The following STRN3 variants were observed in gnomAD, a reference collection of about 807,000 sequenced individuals.
STRN3 encodes striatin-3.
In STRN3, 29 loss-of-function variants were observed where a neutral mutation model predicts 95.6. The observed-to-expected ratio is 0.30, with a 90% CI of 0.23 to 0.41. The LOEUF is 0.41. STRN3 is among the 10% of genes least tolerant of loss of function. The pLI is 1.00. For missense variants in STRN3, 890 were observed against 972.1 expected (o/e 0.92, Z 1.12); for synonymous variants, 331 against 357.6 (o/e 0.93, Z 0.84).
In STRN3 at chr14:30,950,914, G is replaced by A. The variant is rs1879607560; in HGVS notation, c.491C>T (p.Ala164Val). 2.5e-6 allele frequency: 4 copies of A among 1,613,674 alleles called. No individual in the cohort carries two copies. The highest frequency in any genetic ancestry group is 3.4e-6 in the Non-Finnish European group (4 of 1,179,928). Reference protein sequence around the residue: ...EETKDTEAPTAPQNSQLTWKQ... With the variant: ...EETKDTEAPTVPQNSQLTWKQ... ...CCACGTTAACTGGCTATTCTGAGGT[G>A]CTGTGGGAGCCTCTGTGTCTTTGGT... The change falls in exon 4 of 18, where the codon GCA (alanine) becomes GTA (valine). Residue 164 changes from alanine (A) to valine (V), a missense_variant. Physicochemically the swap from Ala to Val is moderately conservative, Grantham distance 64. Transcript: ENST00000357479.
At chr14:30,989,669 A>G (rs1342156342) in intron 1 of STRN3, among the ~76,000 whole-genome samples, 1 of 152,084 alleles carries the variant, frequency 6.6e-6, no homozygotes, top group East Asian at 1.9e-4. Context: ...TGTGTTAGCC[A>G]GGATGGTCTC....
At chr14:30,981,379 CTAAAAT>C (rs1881390876) in intron 1 of STRN3, among the ~76,000 whole-genome samples, 1 of 152,060 alleles carries the variant, frequency 6.6e-6, no homozygotes, top group Admixed American at 6.6e-5. Flanking sequence ...TAATGGTCAA[CTAAAAT>C]TATTCATGTG....
intron 1 of STRN3, among the ~76,000 whole-genome samples, chr14:31,016,787 C>T (rs1566495344): frequency 6.6e-6 from 1 of 152,164 alleles, no homozygotes; most frequent in Non-Finnish European, 1.5e-5. Context: ...TTGTGATCCA[C>T]CCGCTTTGGC....
chr14:30,959,753 A>C (rs775786742), intron 1 of STRN3, among the ~76,000 whole-genome samples: 24 of 152,030 alleles, frequency 1.6e-4, no homozygotes, highest in Admixed American at 2.0e-4. Context: ...TGAGCCAGGG[A>C]CTTCGAGACC....
At chr14:30,944,882 G>A (rs1285439895) in intron 5 of STRN3, among the ~76,000 whole-genome samples, 3 of 151,666 alleles carry the variant, frequency 2.0e-5, no homozygotes, top group Non-Finnish European at 4.4e-5. Flanking sequence ...CAAAGTGCTG[G>A]GATTACAGAC....
At chr14:30,930,067 G>T (rs1878454082) in intron 7 of STRN3, among the ~76,000 whole-genome samples, 1 of 147,494 alleles carries the variant, frequency 6.8e-6, no homozygotes, top group African/African-American at 2.5e-5. Context: ...AACATACATT[G>T]CTGTACAACT....
At chr14:30,972,152 C>T (rs1435485898) in intron 1 of STRN3, among the ~76,000 whole-genome samples, 2 of 152,110 alleles carry the variant, frequency 1.3e-5, no homozygotes, top group African/African-American at 4.8e-5. Context: ...CAATCTTTTT[C>T]GATTATCTAC....
rs532956232 is a variant in STRN3, at chr14:30,933,780, G to A, written c.988+1383C>T. 5.9e-5 allele frequency among the ~76,000 whole-genome samples: 9 copies of A among 152,262 alleles called. No homozygotes were observed. In the South Asian group the frequency reaches 1.9e-3, roughly 32 times the overall value. ...AAGTGAAGGTCTGAAAATAATGCTT[G>A]AGAATTATAATAAGAAAATTGGTGG... On this transcript the variant is annotated intron_variant, in intron 7 of 17. Transcript: ENST00000357479.
At chr14:31,014,243 CAG>C (rs1314602594) in intron 1 of STRN3, among the ~76,000 whole-genome samples, 2 of 152,016 alleles carry the variant, frequency 1.3e-5, no homozygotes, top group African/African-American at 2.4e-5. Context: ...TGTTCTGAGA[CAG>C]AGTCTTGCTC....
intron 1 of STRN3, 53 bp downstream of exon 1, chr14:31,025,851 C>A (rs1566502817): frequency 1.7e-5 from 27 of 1,562,824 alleles, no homozygotes; most frequent in Non-Finnish European, 2.3e-5. Context: ...GCCCCACCCC[C>A]CGGCCGGGAA....
At chr14:30,981,637 C>T (rs562029426) in intron 1 of STRN3, among the ~76,000 whole-genome samples, 49 of 150,742 alleles carry the variant, frequency 3.3e-4, no homozygotes, top group Middle Eastern at 3.5e-3. Flanking sequence ...AAGCAGGGCA[C>T]AAAAACCTTT....
At chr14:30,897,095 T>C (rs569240592) in intron 16 of STRN3, among the ~76,000 whole-genome samples, 10 of 152,314 alleles carry the variant, frequency 6.6e-5, no homozygotes, top group African/African-American at 2.4e-4. Context: ...GGGATGTCCC[T>C]AATGAAAGAT....
intron 9 of STRN3, among the ~76,000 whole-genome samples, chr14:30,918,072 A>G (rs1896784996): frequency 6.6e-6 from 1 of 152,168 alleles, no homozygotes; most frequent in Non-Finnish European, 1.5e-5. Context: ...CATTTCCTAC[A>G]CATTTCTGGT....
At chr14:30,980,069 G>A (rs1881314358) in intron 1 of STRN3, among the ~76,000 whole-genome samples, 1 of 151,826 alleles carries the variant, frequency 6.6e-6, no homozygotes, top group Non-Finnish European at 1.5e-5. Context: ...CCAACATGGT[G>A]AAATCACATC....
chr14:30,967,525 C>T (rs560751021), intron 1 of STRN3, among the ~76,000 whole-genome samples: 2 of 152,312 alleles, frequency 1.3e-5, no homozygotes, highest in South Asian at 2.1e-4. Flanking sequence ...GGGCGTAGCC[C>T]AAAAGCACTG....
chr14:31,015,217 G>C (rs1013068764), intron 1 of STRN3, among the ~76,000 whole-genome samples: 1 of 152,142 alleles, frequency 6.6e-6, no homozygotes, highest in Non-Finnish European at 1.5e-5. Context: ...GGCTGCTTCA[G>C]AATTTGACAC....
At chr14:30,943,154 A>C (rs1469576435) in intron 5 of STRN3, among the ~76,000 whole-genome samples, 1 of 152,228 alleles carries the variant, frequency 6.6e-6, no homozygotes, top group Non-Finnish European at 1.5e-5. Flanking sequence ...TGAAATCTTG[A>C]TCCACATGTT....
chr14:30,918,966 C>G lies in STRN3; in HGVS notation c.1240G>C (p.Ala414Pro). 1 of 1,562,264 alleles carries G rather than the reference C, an allele frequency of 6.4e-7. No individual in the cohort carries two copies. Among genetic ancestry groups the G allele is most frequent in the African/African-American group, 1.4e-5 (1 of 72,822 alleles). The change falls in exon 9 of 18, where the codon GCT becomes CCT. Residue 414 changes from alanine to proline, a missense_variant and splice_region_variant. Ala to Pro is a conservative substitution (Grantham distance 27, BLOSUM62 -1). This residue lies in a region of STRN3 where 526 missense variants were observed against 526.3 expected (regional missense o/e 1.00). Transcript: ENST00000357479. ...TDHEGARAEE[A>P]EPITFPSGGG... The stretch of plus-strand genomic sequence containing the variant: ...TAAACATGGTAGCTAAATTTTGTAC[C>G]TTCCTCTGCTCTTGCACCTTCATGA...
In STRN3 at chr14:31,003,818, C is replaced by T. The variant is rs372109277; in HGVS notation, c.282+22086G>A. The stretch of plus-strand genomic sequence containing the variant: ...TCTTAAAAAAAAAAAAAAAAAAAAA[C>T]TTGGTAGCAAAGCGAGATTTCTTGT... On this transcript the variant is annotated intron_variant, in intron 1 of 17. Transcript: ENST00000357479. Among the ~76,000 whole-genome samples, 13 of 70,882 alleles carry T rather than the reference C, an allele frequency of 1.8e-4. No homozygotes were observed. In the South Asian group the frequency reaches 2.3e-3, roughly 12 times the overall value. The allele number at this position is 70,882 out of a possible 152,430, so 46.5% of individuals were successfully genotyped here.
Sources: gnomAD v4.1 joint callset for allele counts (sites outside exome capture counted in the v4.1 genomes callset) on GRCh38, gnomAD v4.1.1 for gene constraint, gnomAD v4.1.1 regional missense constraint, MANE v1.5 for transcripts, NCBI Gene and HGNC (gene_info 2026-07-23, HGNC 2026-07-21) for gene names.